Variants in FARP2 observed in about 807,000 individuals in gnomAD.
The protein encoded by FARP2 is FERM, ARH/RhoGEF and pleckstrin domain protein 2, also known as FERM, ARHGEF and pleckstrin domain-containing protein 2.
A neutral mutation model predicts 130.5 loss-of-function variants in FARP2; 111 were observed. The observed-to-expected ratio is 0.85, with a 90% CI of 0.73 to 1.00. FARP2 has a LOEUF of 1.00. Among genes scored for constraint, FARP2 ranks in the 50% least tolerant of loss-of-function variants. The pLI, the probability that FARP2 is intolerant of heterozygous loss-of-function variation, is 0.00. For synonymous variants in FARP2, 504 were observed against 516.9 expected, an observed-to-expected ratio of 0.98 and a Z score of 0.34; for missense variants, 1,385 against 1,346.3, an observed-to-expected ratio of 1.03 and a Z score of -0.45.
intron 10 of FARP2, among the ~76,000 whole-genome samples, chr2:241,434,713 G>A (rs943279437): frequency 1.3e-5 from 2 of 152,104 alleles, no homozygotes; most frequent in Non-Finnish European, 1.5e-5. Context: ...TTAGCTGGGC[G>A]TGTTAGCGGG....
intron 1 of FARP2, among the ~76,000 whole-genome samples, chr2:241,366,343 C>T (rs2061320542): frequency 6.6e-6 from 1 of 151,444 alleles, no homozygotes; most frequent in South Asian, 2.1e-4. Flanking sequence ...CACTTCAGCT[C>T]CTAAAACTTC....
rs2062228183 is a variant in FARP2 at position 241,402,878 on chromosome 2, ATATTTTTTT to A, written c.184-948_184-940del. On this transcript the variant is annotated intron_variant, in intron 2 of 26. Coordinates refer to ENST00000264042, the MANE Select transcript of FARP2 (RefSeq NM_014808.4). Reference sequence around the variant, plus strand: ...TATATATATATATATATATATATATATATTTTTTTTTTTTTTTTTTTTTTTTTTTTTTTG... The same window carrying A: ...TATATATATATATATATATATATATATTTTTTTTTTTTTTTTTTTTTTTTG... Among the ~76,000 whole-genome samples the A allele has an allele frequency of 7.1e-4, 6 of 8,466 alleles. No individual in the cohort carries two copies. The Admixed American group carries it at 9.6e-3, about 14-fold the overall frequency. 5.6% of individuals were successfully genotyped at this position (8,466 alleles called of 152,430 possible).
chr2:241,480,575 A>C lies in FARP2; in HGVS notation c.2263-2890A>C, dbSNP rs1259889756. 3.9e-5 allele frequency among the ~76,000 whole-genome samples: 6 copies of C among 151,984 alleles called. No homozygotes were observed. The East Asian group carries it at 1.2e-3, about 29-fold the overall frequency. ...AAAGATATTAAGACAATTCACTAAA[A>C]TTTATTCTAAGGGGATATTTATACT... On this transcript the variant is annotated intron_variant, in intron 19 of 26. Coordinates refer to ENST00000264042, the MANE Select transcript of FARP2 (RefSeq NM_014808.4).
Position 241,403,931 on chromosome 2 carries a change from G to A in FARP2, c.287G>A (p.Trp96Ter), listed in dbSNP as rs777695981. ...GMEFQNTQSY[W>*]IWLEPMKPII... ...GAGTTTCAAAATACTCAGTCCTACT[G>A]GGTAAGTGCTTATGACGTGCCCAGG... The change falls in exon 3 of 27, where the codon TGG becomes TAG. Residue 96 changes from tryptophan (W) to a stop codon, truncating the protein, a stop_gained and splice_region_variant. Coordinates refer to ENST00000264042, the MANE Select transcript of FARP2 (RefSeq NM_014808.4). LOFTEE classifies it high-confidence loss of function. 1.3e-6 allele frequency: 2 copies of A among 1,592,576 alleles called. No homozygotes were observed. The highest frequency in any genetic ancestry group is 1.7e-5 in the Admixed American group (1 of 59,976).
chr2:241,443,183 A>G, intron 13 of FARP2: 1 of 197,048 alleles, frequency 5.1e-6, no homozygotes, highest in Non-Finnish European at 1.0e-5. Flanking sequence ...CTGGGGGGAC[A>G]GTCATCCATT....
chr2:241,481,812 T>C (rs1281188694), intron 19 of FARP2, among the ~76,000 whole-genome samples: 2 of 152,178 alleles, frequency 1.3e-5, no homozygotes, highest in African/African-American at 4.8e-5. Context: ...TCTTGAGCCA[T>C]GCATCAAACT....
At chr2:241,409,214 T>G (rs2062451455) in intron 5 of FARP2, among the ~76,000 whole-genome samples, 1 of 152,164 alleles carries the variant, frequency 6.6e-6, no homozygotes, top group South Asian at 2.1e-4. Flanking sequence ...TTTTTCTGTT[T>G]ATAAAAATGT....
chr2:241,474,675 C>T (rs1203224903), intron 18 of FARP2, among the ~76,000 whole-genome samples: 1 of 151,688 alleles, frequency 6.6e-6, no homozygotes, highest in Non-Finnish European at 1.5e-5. Context: ...ATCTGTAGTC[C>T]CCGCTACTCG....
chr2:241,471,977 G>GGGACCTTGTTCTTA (rs1439915641), intron 18 of FARP2, among the ~76,000 whole-genome samples: 1 of 65,974 alleles, frequency 1.5e-5, no homozygotes, highest in Non-Finnish European at 3.3e-5. Context: ...TTGTGAGCAG[G>GGGACCTTGTTCTTA]AGGCTGTTTT....
In FARP2 at chr2:241,481,183, C is replaced by T. The variant is rs1032672041; in HGVS notation, c.2263-2282C>T. On this transcript the variant is annotated intron_variant, in intron 19 of 26. Coordinates refer to ENST00000264042, the MANE Select transcript of FARP2 (RefSeq NM_014808.4). ...GGTCAAGGCTAGAGTGAACCGTGAT[C>T]GTACCACTGCACTCCAGCCTAGGCA... 5.3e-5 allele frequency among the ~76,000 whole-genome samples: 8 copies of T among 151,864 alleles called. No homozygotes were observed. In the East Asian group the frequency reaches 7.7e-4, roughly 15 times the overall value.
chr2:241,381,265 C>T (rs1295388481), intron 2 of FARP2, among the ~76,000 whole-genome samples: 1 of 152,088 alleles, frequency 6.6e-6, no homozygotes, highest in Non-Finnish European at 1.5e-5. Flanking sequence ...GGTGCCACTC[C>T]CCTCTAGTGC....
Position 241,356,351 on chromosome 2 carries a change from G to A in FARP2, c.-62G>A, listed in dbSNP as rs1202056463. The A allele has an allele frequency of 6.6e-6, 1 of 152,324 alleles. No homozygotes were observed. Among genetic ancestry groups the A allele is most frequent in the East Asian group, 1.9e-4 (1 of 5,208 alleles). The allele number at this position is 152,324 out of a possible 1,614,324, so 9.4% of individuals were successfully genotyped here. The stretch of plus-strand genomic sequence containing the variant: ...GCTTGCGACTGCGGAGGCCGGGCGA[G>A]GCCGGTGAGGACGCGGCGGGCGAGC... On this transcript the variant is annotated 5_prime_UTR_variant, in exon 1 of 27. Transcript: ENST00000264042.
chr2:241,394,466 C>T (rs1410223499), intron 2 of FARP2, among the ~76,000 whole-genome samples: 2 of 149,488 alleles, frequency 1.3e-5, no homozygotes, highest in Non-Finnish European at 3.0e-5. Flanking sequence ...TGTAGTGAGC[C>T]GAGATCGCGC....
intron 10 of FARP2, among the ~76,000 whole-genome samples, chr2:241,434,717 T>C (rs1384408212): frequency 6.6e-6 from 1 of 152,118 alleles, no homozygotes; most frequent in African/African-American, 2.4e-5. Context: ...CTGGGCGTGT[T>C]AGCGGGCACC....
At chr2:241,415,858 T>A (rs2062649679) in intron 7 of FARP2, among the ~76,000 whole-genome samples, 2 of 151,932 alleles carry the variant, frequency 1.3e-5, no homozygotes, top group African/African-American at 4.8e-5. Flanking sequence ...GCAGCTTCAG[T>A]GAGTGGTGAG....
intron 17 of FARP2, among the ~76,000 whole-genome samples, chr2:241,464,962 A>T (rs1369418336): frequency 1.3e-5 from 2 of 152,010 alleles, no homozygotes; most frequent in African/African-American, 2.4e-5. Context: ...CAAGAATAGG[A>T]TGCCCCTGAA....
chr2:241,438,051 C>T (rs560366022), intron 12 of FARP2, among the ~76,000 whole-genome samples: 6 of 152,150 alleles, frequency 3.9e-5, no homozygotes, highest in South Asian at 4.2e-4. Flanking sequence ...TCAAGTGATA[C>T]GCCTGCCTTG....
In FARP2 at chr2:241,404,798, G is replaced by C. The variant is rs768174415; in HGVS notation, c.289-1G>C. On this transcript the variant is annotated splice_acceptor_variant, in intron 3 of 26. Transcript: ENST00000264042. LOFTEE classifies it high-confidence loss of function. The stretch of plus-strand genomic sequence containing the variant: ...GATTTCTTCTGTTAACTCTTCTTTA[G>C]ATTTGGCTTGAACCTATGAAACCCA... The C allele has an allele frequency of 6.2e-7, 1 of 1,603,656 alleles. No individual in the cohort carries two copies. Among genetic ancestry groups the C allele is most frequent in the Admixed American group, 1.7e-5 (1 of 59,960 alleles).
chr2:241,384,946 A>G (rs1341070152), intron 2 of FARP2, among the ~76,000 whole-genome samples: 1 of 152,222 alleles, frequency 6.6e-6, no homozygotes, highest in Non-Finnish European at 1.5e-5. Context: ...TCTTAAAAAC[A>G]TAGAAAATAA....
Sources: gnomAD v4.1 joint callset for allele counts (sites outside exome capture counted in the v4.1 genomes callset) on GRCh38, gnomAD v4.1.1 for gene constraint, MANE v1.5 for transcripts, NCBI Gene and HGNC (gene_info 2026-07-23, HGNC 2026-07-21) for gene names.